PCSK9: variants seen among roughly 807,000 people sequenced by gnomAD.
PCSK9 encodes the protein proprotein convertase subtilisin/kexin type 9, also known as convertase subtilisin/kexin type 9 preproprotein.
In PCSK9, 57 loss-of-function variants were observed where a neutral mutation model predicts 62.1. The observed-to-expected ratio is 0.92, with a 90% confidence interval of 0.74 to 1.14. The LOEUF (loss-of-function observed/expected upper bound fraction) is 1.14. Among genes scored for constraint, PCSK9 ranks in the 50% most tolerant of loss-of-function variants. The pLI, the probability that PCSK9 is intolerant of heterozygous loss-of-function variation, is 0.00. For missense variants in PCSK9, 870 were observed against 959.8 expected (o/e 0.91, Z 1.24); for synonymous variants, 387 against 409.4 (o/e 0.95, Z 0.66).
intron 7 of PCSK9, 88 bp downstream of exon 7, chr1:55,057,602 C>A: frequency 1.4e-6 from 2 of 1,457,888 alleles, no homozygotes; most frequent in South Asian, 1.2e-5. Flanking sequence ...CAGTGCCAGG[C>A]TCTGTGCAGG....
Position 55,040,013 on chromosome 1 carries a change from G to A in PCSK9, c.176G>A (p.Gly59Glu), listed in dbSNP as rs1352763628. The A allele has an allele frequency of 6.3e-7, 1 of 1,575,962 alleles. No homozygotes were observed. Among genetic ancestry groups the A allele is most frequent in the Non-Finnish European group, 8.6e-7 (1 of 1,161,470 alleles). ...EDGLAEAPEH[G>E]TTATFHRCAK... ...GGCCTGGCCGAAGCACCCGAGCACG[G>A]AACCACAGCCACCTTCCACCGCTGC... The change falls in exon 1 of 12, where the codon GGA (glycine) becomes GAA (glutamate). Residue 59 changes from glycine to glutamate, a missense_variant. Gly to Glu is a moderately conservative substitution (Grantham distance 98). Coordinates refer to ENST00000302118, the MANE Select transcript of PCSK9 (RefSeq NM_174936.4). This position sits in a 1 kb window ranked among gnomAD's most constrained non-coding sequence, Gnocchi z 4.1.
In PCSK9 at chr1:55,057,377, TG is replaced by T. The variant is rs1644723427; in HGVS notation, c.1047del (p.Thr350LeufsTer49). On this transcript the variant is annotated frameshift_variant, in exon 7 of 12. Transcript: ENST00000302118. LOFTEE classifies it high-confidence loss of function. Reference protein sequence around the residue: ...ATNAQDQPVTLGTLGTNFGRC... With the variant: ...ATNAQDQPVTXGTLGTNFGRC... ...AATGCCCAAGACCAGCCGGTGACCC[TG>T]GGGACTTTGGGGACCAACTTTGGCC... 2 of 1,614,042 alleles carry T rather than the reference TG, an allele frequency of 1.2e-6. No homozygotes were observed. Among genetic ancestry groups the T allele is most frequent in the Non-Finnish European group, 1.7e-6 (2 of 1,179,964 alleles).
chr1:55,061,227 C>T, intron 10 of PCSK9, 148 bp from the exon 11 acceptor site: 1 of 911,384 alleles, frequency 1.1e-6, no homozygotes, highest in Non-Finnish European at 1.6e-6. Flanking sequence ...TCCTGGTGCT[C>T]AGGCCAGCAT....
At chr1:55,060,271 G>A (rs114162366) in intron 10 of PCSK9, among the ~76,000 whole-genome samples, 1,937 of 152,344 alleles carry the variant, frequency 0.013, 20 homozygotes, top group Middle Eastern at 0.024. Context: ...AGTCACAGAT[G>A]GGGACCTCTT....
At chr1:55,060,829 G>A (rs767356682) in intron 10 of PCSK9, among the ~76,000 whole-genome samples, 5 of 152,166 alleles carry the variant, frequency 3.3e-5, no homozygotes, top group Non-Finnish European at 5.9e-5. Flanking sequence ...TCCATGCTGG[G>A]GCTTCGCACG....
Position 55,039,693 on chromosome 1 carries a change from T to A in PCSK9, c.-145T>A. The A allele has an allele frequency of 1.0e-6, 1 of 967,366 alleles. No individual in the cohort carries two copies. Among genetic ancestry groups the A allele is most frequent in the Non-Finnish European group, 1.5e-6 (1 of 654,064 alleles). The allele number at this position is 967,366 out of a possible 1,614,324, so 59.9% of individuals were successfully genotyped here. ...AGCGGCTCCCAGCTCCCAGCCAGGA[T>A]TCCGCGCGCCCCTTCACGCGCCCTG... On this transcript the variant is annotated 5_prime_UTR_variant, in exon 1 of 12. Coordinates refer to ENST00000302118, the MANE Select transcript of PCSK9 (RefSeq NM_174936.4).
intron 3 of PCSK9, among the ~76,000 whole-genome samples, chr1:55,048,883 T>G (rs1382458053): frequency 6.6e-6 from 1 of 152,252 alleles, no homozygotes; most frequent in Non-Finnish European, 1.5e-5. Flanking sequence ...GGTGCTGTGA[T>G]TTTAGCCCTG....
In PCSK9 at chr1:55,063,353, C is replaced by T. The variant is rs770206660; in HGVS notation, c.1864-16C>T. The T allele has an allele frequency of 3.3e-5, 54 of 1,612,156 alleles. No homozygotes were observed. The highest frequency in any genetic ancestry group is 4.2e-5 in the Non-Finnish European group (50 of 1,179,222). On this transcript the variant is annotated splice_polypyrimidine_tract_variant and intron_variant, in intron 11 of 11. Transcript: ENST00000302118. ...CCACGCTAGACATGTGCTTTCTTTTCCTCGGGCTCTGGCAGGTGACCGTGG... is the reference window on the plus strand; with the variant it reads ...CCACGCTAGACATGTGCTTTCTTTTTCTCGGGCTCTGGCAGGTGACCGTGG...
At position 55,057,318 on chromosome 1, in the gene PCSK9, C is replaced by T. The variant is rs780379863; in HGVS notation, c.997-13C>T. The T allele has an allele frequency of 6.2e-7, 1 of 1,613,046 alleles. No individual in the cohort carries two copies. On this transcript the variant is annotated splice_polypyrimidine_tract_variant and intron_variant, in intron 6 of 11. Coordinates refer to ENST00000302118, the MANE Select transcript of PCSK9 (RefSeq NM_174936.4). ...GGCTCCTTTCTCTGCCACCCACCTC[C>T]TCACCTTTCCAGGTCATCACAGTTG...
chr1:55,056,712 G>A (rs1644717923), intron 6 of PCSK9, among the ~76,000 whole-genome samples: 1 of 152,150 alleles, frequency 6.6e-6, no homozygotes, highest in Non-Finnish European at 1.5e-5. Context: ...TGTGGCTGCG[G>A]GGACACAGAC....
At chr1:55,056,560 T>G (rs1163797185) in intron 6 of PCSK9, among the ~76,000 whole-genome samples, 1 of 151,872 alleles carries the variant, frequency 6.6e-6, no homozygotes, top group African/African-American at 2.4e-5. Flanking sequence ...TGCCCAATAC[T>G]CTTTGGGCCT....
intron 2 of PCSK9, among the ~76,000 whole-genome samples, chr1:55,046,015 G>A (rs1410346158): frequency 6.6e-6 from 1 of 152,184 alleles, no homozygotes; most frequent in African/African-American, 2.4e-5. Flanking sequence ...AGCTGCTGAT[G>A]CACTCTTGTC....
At position 55,058,027 on chromosome 1, in the gene PCSK9, C is replaced by T. The variant is rs764412640; in HGVS notation, c.1181-9C>T. 2 of 1,613,640 alleles carry T rather than the reference C, an allele frequency of 1.2e-6. No individual in the cohort carries two copies. Among genetic ancestry groups the T allele is most frequent in the East Asian group, 4.5e-5 (2 of 44,876 alleles). The stretch of plus-strand genomic sequence containing the variant: ...CATCACCATCTTTCACCATTCACCC[C>T]TGCACCAGGCATTGCAGCCATGATG... On this transcript the variant is annotated splice_polypyrimidine_tract_variant and intron_variant, in intron 7 of 11. Coordinates refer to ENST00000302118, the MANE Select transcript of PCSK9 (RefSeq NM_174936.4).
intron 10 of PCSK9, 63 bp downstream of exon 10, chr1:55,059,726 C>A: frequency 6.5e-7 from 1 of 1,529,288 alleles, no homozygotes; most frequent in South Asian, 1.2e-5. Flanking sequence ...ACCCACTGCC[C>A]GCGAGGCTTG....
rs555459049 is a variant in PCSK9, at chr1:55,046,678, C to G, written c.523+32C>G. The G allele has an allele frequency of 4.6e-5, 74 of 1,612,040 alleles. No individual in the cohort carries two copies. In the South Asian group the frequency reaches 7.5e-4, roughly 16 times the overall value. The stretch of plus-strand genomic sequence containing the variant: ...CCCCCATCTGTGCCCTGCCCCACCC[C>G]ATCTGAGCTGAATCCATTTGCTCTG... On this transcript the variant is annotated intron_variant, in intron 3 of 11. Coordinates refer to ENST00000302118, the MANE Select transcript of PCSK9 (RefSeq NM_174936.4).
chr1:55,049,379 C>A (rs1644657722), intron 3 of PCSK9, among the ~76,000 whole-genome samples: 2 of 152,226 alleles, frequency 1.3e-5, no homozygotes, highest in Non-Finnish European at 1.5e-5. Flanking sequence ...TATGGCAGGG[C>A]TGCCTGGTGA....
chr1:55,049,811 C>T (rs890066970), intron 3 of PCSK9, among the ~76,000 whole-genome samples: 4 of 152,194 alleles, frequency 2.6e-5, no homozygotes, highest in South Asian at 2.1e-4. Flanking sequence ...GCTGCCTCCC[C>T]GAGCTTCCAT....
intron 5 of PCSK9, among the ~76,000 whole-genome samples, chr1:55,054,212 C>T (rs1386792300): frequency 1.3e-5 from 2 of 151,992 alleles, no homozygotes; most frequent in Non-Finnish European, 2.9e-5. Flanking sequence ...GGTGAAACCC[C>T]GTCTCTACTA....
At chr1:55,063,325 G>A (rs1421194715) in intron 11 of PCSK9, 44 bp from the exon 12 acceptor site, 10 of 1,589,416 alleles carry the variant, frequency 6.3e-6, no homozygotes, top group East Asian at 2.3e-5. Context: ...TGGGGGTCCC[G>A]GGCCACGCTA....
Sources: gnomAD v4.1 joint callset for allele counts (sites outside exome capture counted in the v4.1 genomes callset) on GRCh38, gnomAD v4.1.1 for gene constraint, Gnocchi (gnomAD v3.1) non-coding constraint, MANE v1.5 for transcripts, NCBI Gene and HGNC (gene_info 2026-07-23, HGNC 2026-07-21) for gene names.